Variants in ANKRD44 observed in about 807,000 individuals in gnomAD.
ANKRD44 encodes the protein serine/threonine-protein phosphatase 6 regulatory ankyrin repeat subunit B.
A neutral mutation model predicts 116.0 loss-of-function variants in ANKRD44; 35 were observed. The observed-to-expected ratio is 0.30, with a 90% confidence interval of 0.23 to 0.40. The LOEUF (loss-of-function observed/expected upper bound fraction) is 0.40. Among genes scored for constraint, ANKRD44 ranks in the 10% least tolerant of loss-of-function variants. ANKRD44 has a pLI of 1.00. For missense variants in ANKRD44, 1,014 were observed against 1,242.6 expected, an observed-to-expected ratio of 0.82 and a Z score of 2.77; for synonymous variants, 435 against 461.8, an observed-to-expected ratio of 0.94 and a Z score of 0.74.
intron 17 of ANKRD44, chr2:197,016,021 G>C: frequency 1.9e-6 from 1 of 534,582 alleles, no homozygotes; most frequent in South Asian, 1.4e-5. Context: ...TCTAAAAACA[G>C]CAGAAAAGGG....
At chr2:197,287,230 G>A (rs1371684973) in intron 1 of ANKRD44, among the ~76,000 whole-genome samples, 2 of 151,974 alleles carry the variant, frequency 1.3e-5, no homozygotes, top group Non-Finnish European at 2.9e-5. Context: ...ATTTTGCTGT[G>A]AACATAAAAT....
chr2:197,246,703 C>T (rs375984128), intron 1 of ANKRD44, among the ~76,000 whole-genome samples: 1 of 152,132 alleles, frequency 6.6e-6, no homozygotes, highest in Non-Finnish European at 1.5e-5. Flanking sequence ...AAAACACCTA[C>T]AGTCATTCCC....
intron 1 of ANKRD44, among the ~76,000 whole-genome samples, chr2:197,190,318 C>T (rs1335044650): frequency 6.6e-6 from 1 of 152,188 alleles, no homozygotes; most frequent in Non-Finnish European, 1.5e-5. Context: ...ATGGACATCT[C>T]TAGCTCAACT....
chr2:197,145,886 A>G (rs1225787621), intron 3 of ANKRD44, among the ~76,000 whole-genome samples: 2 of 152,202 alleles, frequency 1.3e-5, no homozygotes, highest in East Asian at 3.8e-4. Context: ...GTCTGTAGGC[A>G]GTGGCACTTC....
At chr2:197,277,780 A>G (rs972415307) in intron 1 of ANKRD44, among the ~76,000 whole-genome samples, 1 of 152,174 alleles carries the variant, frequency 6.6e-6, no homozygotes, top group Non-Finnish European at 1.5e-5. Flanking sequence ...CCATCTTGCT[A>G]TTAGCGCTGT....
intron 8 of ANKRD44, among the ~76,000 whole-genome samples, chr2:197,111,894 T>A (rs1559071767): frequency 6.6e-6 from 1 of 152,160 alleles, no homozygotes; most frequent in Non-Finnish European, 1.5e-5. Context: ...GAAACTGCCT[T>A]TTGAATGACC....
chr2:197,023,050 A>G lies in ANKRD44; in HGVS notation c.1722+2146T>C, dbSNP rs992322223. On this transcript the variant is annotated intron_variant, in intron 17 of 27. Transcript: ENST00000282272. ...AGCTACTCAAACAGTGCTTGGCACTATTCACAGTCAGTGTATGTTGGATGA... is the reference window on the plus strand; with the variant it reads ...AGCTACTCAAACAGTGCTTGGCACTGTTCACAGTCAGTGTATGTTGGATGA... Among the ~76,000 whole-genome samples, 6 of 152,236 alleles carry G rather than the reference A, an allele frequency of 3.9e-5. No individual in the cohort carries two copies. The East Asian group carries it at 5.8e-4, about 15-fold the overall frequency.
Position 197,000,413 on chromosome 2 carries a change from A to G in ANKRD44, c.2519+6T>C. 1 of 1,612,218 alleles carries G rather than the reference A, an allele frequency of 6.2e-7. No homozygotes were observed. Among genetic ancestry groups the G allele is most frequent in the Non-Finnish European group, 8.5e-7 (1 of 1,178,278 alleles). On this transcript the variant is annotated splice_donor_region_variant and intron_variant, in intron 23 of 27. Transcript: ENST00000282272. ...AGAAAAAAGCATGCTGTTTTAGATT[A>G]CTTACCTGCCTTTGTCATCTCTACA... is the stretch of plus-strand genomic sequence containing the variant.
Position 196,993,595 on chromosome 2 carries a change from C to A in ANKRD44, c.2911G>T (p.Val971Leu). 1 of 1,550,314 alleles carries A rather than the reference C, an allele frequency of 6.5e-7. No homozygotes were observed. ...TTTTTCCACTTACCATTTTCATCTA[C>A]AGCAAGTACACAGGCCCCTTTGGCC... is the stretch of plus-strand genomic sequence containing the variant. Reference protein sequence around the residue: ...LLAKGACVLAVDENASRSNGP... With the variant: ...LLAKGACVLALDENASRSNGP... Residue 971 changes from valine (V) to leucine (L), a missense_variant, in exon 27 of 28, where the codon GTA becomes TTA. Physicochemically the swap from Val to Leu is conservative, Grantham distance 32. Transcript: ENST00000282272.
intron 1 of ANKRD44, among the ~76,000 whole-genome samples, chr2:197,235,198 T>C (rs2081951999): frequency 6.6e-6 from 1 of 152,246 alleles, no homozygotes; most frequent in Non-Finnish European, 1.5e-5. Flanking sequence ...TCTTGGGTTC[T>C]ATAAAAGAAC....
intron 16 of ANKRD44, among the ~76,000 whole-genome samples, chr2:197,059,349 C>T (rs2077265070): frequency 6.6e-6 from 1 of 152,158 alleles, no homozygotes; most frequent in Non-Finnish European, 1.5e-5. Context: ...CATAAATATG[C>T]TTTGGGACAG....
rs867448932 is a variant in ANKRD44 at position 197,110,790 on chromosome 2, G to A, written c.961C>T (p.Arg321Trp). The change falls in exon 9 of 28, where the codon CGG becomes TGG. Residue 321 changes from arginine (R) to tryptophan (W), a missense_variant. By Grantham distance (101) the Arg-to-Trp change is moderately radical. Coordinates refer to ENST00000282272, the MANE Select transcript of ANKRD44 (RefSeq NM_001195144.2). ...HMTAVHGRFT[R>W]SQTLIQNGGE... is the part of the protein sequence containing the mutation. ...CCATTCTGAATGAGGGTCTGTGACC[G>A]TGTGAACCTTCCATGGACAGCTGTC... The A allele has an allele frequency of 3.1e-6, 5 of 1,613,640 alleles. No individual in the cohort carries two copies. Among genetic ancestry groups the A allele is most frequent in the East Asian group, 2.2e-5 (1 of 44,866 alleles).
rs573811254 is a variant in ANKRD44 at position 197,121,913 on chromosome 2, T to A, written c.694-369A>T. 7.9e-5 allele frequency among the ~76,000 whole-genome samples: 12 copies of A among 152,188 alleles called. No homozygotes were observed. In the South Asian group the frequency reaches 2.5e-3, roughly 32 times the overall value. ...CTCTAGGATTGGGGCACAGAAAACC[T>A]CAAGAAATGGTGGGGGATGGCAGAG... On this transcript the variant is annotated intron_variant, in intron 7 of 27. Coordinates refer to ENST00000282272, the MANE Select transcript of ANKRD44 (RefSeq NM_001195144.2).
At chr2:196,998,750 G>A (rs1042100072) in intron 24 of ANKRD44, among the ~76,000 whole-genome samples, 157 bp downstream of exon 24, 1 of 152,180 alleles carries the variant, frequency 6.6e-6, no homozygotes, top group Non-Finnish European at 1.5e-5. Flanking sequence ...ACAGGGAACT[G>A]AAAGACGCTT....
chr2:197,142,860 C>T (rs1280219572), intron 3 of ANKRD44, among the ~76,000 whole-genome samples: 1 of 151,878 alleles, frequency 6.6e-6, no homozygotes, highest in Non-Finnish European at 1.5e-5. Flanking sequence ...AATTCTATGG[C>T]CAGATGTGGT....
intron 13 of ANKRD44, among the ~76,000 whole-genome samples, chr2:197,086,113 G>A (rs886545955): frequency 5.3e-5 from 8 of 151,272 alleles, no homozygotes; most frequent in African/African-American, 1.7e-4. Flanking sequence ...AGAGAAGGAG[G>A]GTACATGTAG....
chr2:197,073,929 T>C (rs2077611729), intron 16 of ANKRD44, among the ~76,000 whole-genome samples: 1 of 152,176 alleles, frequency 6.6e-6, no homozygotes, highest in African/African-American at 2.4e-5. Flanking sequence ...TGTTCTTTCA[T>C]CAGCTGCCAA....
intron 16 of ANKRD44, among the ~76,000 whole-genome samples, chr2:197,057,479 A>T (rs1026736027): frequency 6.6e-6 from 1 of 151,914 alleles, no homozygotes; most frequent in African/African-American, 2.4e-5. Flanking sequence ...CTGTTTTTGA[A>T]TTTTTTTTTA....
intron 2 of ANKRD44, among the ~76,000 whole-genome samples, chr2:197,153,028 C>T (rs750442948): frequency 6.6e-6 from 1 of 151,618 alleles, no homozygotes; most frequent in African/African-American, 2.4e-5. Flanking sequence ...ACCAGGAGAC[C>T]TCGTCTCTAT....
Sources: gnomAD v4.1 joint callset for allele counts (sites outside exome capture counted in the v4.1 genomes callset) on GRCh38, gnomAD v4.1.1 for gene constraint, MANE v1.5 for transcripts, NCBI Gene and HGNC (gene_info 2026-07-23, HGNC 2026-07-21) for gene names.